The following SEC23IP variants were observed in gnomAD, a reference collection of about 807,000 sequenced individuals.
The protein encoded by SEC23IP is SEC23-interacting protein.
Under a neutral mutation model 113.4 loss-of-function variants are expected in SEC23IP, and 70 were observed. That is an observed-to-expected ratio of 0.62 (90% CI 0.51 to 0.75). The LOEUF (loss-of-function observed/expected upper bound fraction) is 0.75. Among genes scored for constraint, SEC23IP ranks in the 30% least tolerant of loss-of-function variants. The pLI is 0.00. For synonymous variants in SEC23IP, 398 were observed against 421.0 expected, an observed-to-expected ratio of 0.95 and a Z score of 0.67; for missense variants, 1,160 against 1,204.9, an observed-to-expected ratio of 0.96 and a Z score of 0.55.
At chr10:119,918,122 AG>A (rs1855114912) in intron 9 of SEC23IP, 78 bp downstream of exon 9, 1 of 1,151,504 alleles carries the variant, frequency 8.7e-7, no homozygotes, top group Non-Finnish European at 1.3e-6. Flanking sequence ...TGATATTGTT[AG>A]TGCAAAATTA....
chr10:119,894,019 A>G (rs1413127984), intron 1 of SEC23IP, among the ~76,000 whole-genome samples: 1 of 152,240 alleles, frequency 6.6e-6, no homozygotes, highest in Non-Finnish European at 1.5e-5. Context: ...TTGCCCTGCC[A>G]GTAACTTGCT....
intron 12 of SEC23IP, among the ~76,000 whole-genome samples, chr10:119,923,442 G>T (rs1470199864): frequency 1.3e-5 from 2 of 151,244 alleles, no homozygotes; most frequent in Non-Finnish European, 2.9e-5. Flanking sequence ...TGTGATATTT[G>T]TGACTGTGTG....
intron 1 of SEC23IP, among the ~76,000 whole-genome samples, chr10:119,896,894 G>A (rs2134448599): frequency 6.6e-6 from 1 of 152,210 alleles, no homozygotes; most frequent in African/African-American, 2.4e-5. Flanking sequence ...CAGAGAAGTG[G>A]AATGATTCAA....
chr10:119,910,059 A>G (rs146427675), intron 5 of SEC23IP, among the ~76,000 whole-genome samples: 2 of 152,220 alleles, frequency 1.3e-5, no homozygotes, highest in African/African-American at 2.4e-5. Context: ...TGCAAGTTAC[A>G]TGTTCCCTGT....
Position 119,915,880 on chromosome 10 carries a change from G to T in SEC23IP, c.1535G>T (p.Gly512Val). 6.5e-7 allele frequency: 1 copy of T among 1,540,200 alleles called. No individual in the cohort carries two copies. Among genetic ancestry groups the T allele is most frequent in the South Asian group, 1.3e-5 (1 of 76,586 alleles). Residue 512 changes from glycine (G) to valine (V), a missense_variant, in exon 8 of 19, where the codon GGT (glycine) becomes GTT (valine). Gly to Val is a moderately radical substitution (Grantham distance 109, BLOSUM62 -3). Coordinates refer to ENST00000369075, the MANE Select transcript of SEC23IP (RefSeq NM_007190.4). ...AGTTCTTTGGGTGGGGACGCCACAG[G>T]TGTGGACAGGTTTGTGGATTTTGAT... ...WHSSLGGDAT[G>V]VDRNIKKITL... is the part of the protein sequence containing the mutation.
chr10:119,916,465 A>T (rs1356264581), intron 8 of SEC23IP, among the ~76,000 whole-genome samples: 3 of 152,242 alleles, frequency 2.0e-5, no homozygotes, highest in African/African-American at 7.2e-5. Context: ...GGTAATAGTT[A>T]TGCTGGCACA....
At chr10:119,903,501 A>C (rs986408616) in intron 3 of SEC23IP, among the ~76,000 whole-genome samples, 1 of 152,178 alleles carries the variant, frequency 6.6e-6, no homozygotes, top group Non-Finnish European at 1.5e-5. Context: ...CTGATATATT[A>C]TTATATCACT....
rs576662492 is a variant in SEC23IP at position 119,903,063 on chromosome 10, G to A, written c.907+54G>A. ...CTGATTTTAGGAAGAGAAGGAATGA[G>A]ATCATTTATTCATGATCTATTTTCT... On this transcript the variant is annotated intron_variant, in intron 3 of 18. Coordinates refer to ENST00000369075, the MANE Select transcript of SEC23IP (RefSeq NM_007190.4). 96 of 1,381,598 alleles carry A rather than the reference G, an allele frequency of 6.9e-5. No individual in the cohort carries two copies. In the East Asian group the frequency reaches 2.2e-3, roughly 32 times the overall value. The allele number at this position is 1,381,598 out of a possible 1,614,324, so 85.6% of individuals were successfully genotyped here. A position where few individuals can be genotyped will look rare whatever the true frequency, so the allele number is the denominator to read the frequency against.
intron 13 of SEC23IP, among the ~76,000 whole-genome samples, chr10:119,927,156 G>A (rs538092829): frequency 2.6e-5 from 4 of 152,118 alleles, no homozygotes; most frequent in Admixed American, 6.6e-5. Context: ...ACTTGGCTTC[G>A]CAAAGTGCCA....
In SEC23IP at chr10:119,915,371, G is replaced by T. The variant is rs1393628295; in HGVS notation, c.1403-377G>T. Among the ~76,000 whole-genome samples, 3 of 152,136 alleles carry T rather than the reference G, an allele frequency of 2.0e-5. No individual in the cohort carries two copies. In the South Asian group the frequency reaches 6.2e-4, roughly 32 times the overall value. On this transcript the variant is annotated intron_variant, in intron 7 of 18. Coordinates refer to ENST00000369075, the MANE Select transcript of SEC23IP (RefSeq NM_007190.4). ...GAGGCCTGGGATAGTGGGGGTTGGG[G>T]GTGAAGAGGTAAGGTAGGGGTTGGG...
chr10:119,930,421 A>G lies in SEC23IP; in HGVS notation c.2562A>G (p.Arg854=), dbSNP rs1564923767. The G allele has an allele frequency of 1.9e-6, 3 of 1,602,194 alleles. No individual in the cohort carries two copies. The highest frequency in any genetic ancestry group is 1.7e-4 in the Middle Eastern group (1 of 5,828). ...VLIPHHKGRK[R]LHLELKESLS... ...TTCCACATCACAAAGGCAGAAAAAG[A>G]CTTCATTTAGGTAAAAAGCAAATAC... Residue 854 remains arginine, a synonymous_variant, in exon 15 of 19, where the codon AGA becomes AGG. Coordinates refer to ENST00000369075, the MANE Select transcript of SEC23IP (RefSeq NM_007190.4).
chr10:119,932,879 A>C, intron 16 of SEC23IP, 126 bp from the exon 17 acceptor site: 1 of 755,692 alleles, frequency 1.3e-6, no homozygotes, highest in South Asian at 2.0e-5. Flanking sequence ...ACGGGGAGTG[A>C]GCCTGGTAGC....
chr10:119,921,104 A>G (rs1001973117), intron 12 of SEC23IP, 120 bp downstream of exon 12: 6 of 636,842 alleles, frequency 9.4e-6, no homozygotes, highest in African/African-American at 7.4e-5. Context: ...TACCTAGGGC[A>G]CAGTAATGGA....
At chr10:119,928,406 T>C (rs1855488830) in intron 13 of SEC23IP, among the ~76,000 whole-genome samples, 1 of 152,228 alleles carries the variant, frequency 6.6e-6, no homozygotes, top group African/African-American at 2.4e-5. Context: ...CTGTCGAATT[T>C]GCAAATATAA....
At chr10:119,930,506 T>G (rs1243818405) in intron 15 of SEC23IP, 75 bp downstream of exon 15, 4 of 820,476 alleles carry the variant, frequency 4.9e-6, no homozygotes, top group African/African-American at 3.4e-5. Context: ...ATTTTGACAC[T>G]AAATCGTCTC....
rs1855971774 is a variant in SEC23IP, at chr10:119,941,768, G to C, written c.*1203G>C. ...TATTTCTCTTGTCTTCCTTAAAAGT[G>C]TCCCCATGAACTCAGTGTTTATTCC... On this transcript the variant is annotated 3_prime_UTR_variant, in exon 19 of 19. Transcript: ENST00000369075. 6.6e-6 allele frequency: 1 copy of C among 152,596 alleles called. No homozygotes were observed. 9.5% of individuals were successfully genotyped at this position (152,596 alleles called of 1,614,324 possible).
chr10:119,907,123 CCT>C (rs1854698637), intron 4 of SEC23IP, among the ~76,000 whole-genome samples: 1 of 151,464 alleles, frequency 6.6e-6, no homozygotes, highest in Admixed American at 6.6e-5. Context: ...GTGGTAAAAC[CCT>C]GTCTCTACTA....
chr10:119,902,010 T>C (rs1329592666), intron 2 of SEC23IP, among the ~76,000 whole-genome samples: 1 of 152,084 alleles, frequency 6.6e-6, no homozygotes, highest in African/African-American at 2.4e-5. Flanking sequence ...AATTCTATCT[T>C]TAGGATAAAT....
In SEC23IP at chr10:119,902,902, A is replaced by T. The variant is rs761385230; in HGVS notation, c.800A>T (p.Glu267Val). ...CCTTTTCTACTTCAAAACCAATATG[A>T]GCCTGTTCAGCCCCACTGGTTTTAC... is the stretch of plus-strand genomic sequence containing the variant. ...PSPFLLQNQYEPVQPHWFYCK... is the reference protein window; with the variant it reads ...PSPFLLQNQYVPVQPHWFYCK... The change falls in exon 3 of 19, where the codon GAG becomes GTG. Residue 267 changes from glutamate to valine, a missense_variant. Physicochemically the swap from Glu to Val is moderately radical, Grantham distance 121. Transcript: ENST00000369075. 20 of 1,614,022 alleles carry T rather than the reference A, an allele frequency of 1.2e-5. No homozygotes were observed. Among genetic ancestry groups the T allele is most frequent in the Non-Finnish European group, 1.7e-5 (20 of 1,180,014 alleles).
Sources: gnomAD v4.1 joint callset for allele counts (sites outside exome capture counted in the v4.1 genomes callset) on GRCh38, gnomAD v4.1.1 for gene constraint, MANE v1.5 for transcripts, NCBI Gene and HGNC (gene_info 2026-07-23, HGNC 2026-07-21) for gene names.